The following CLMN variants were observed in gnomAD, a reference collection of about 807,000 sequenced individuals.
The protein encoded by CLMN is calmin, also known as calmin (calponin-like, transmembrane).
In CLMN, 57 loss-of-function variants were observed where a neutral mutation model predicts 92.7. The observed-to-expected ratio is 0.61, with a 90% CI of 0.50 to 0.77. CLMN has a LOEUF of 0.77. CLMN is among the 30% of genes least tolerant of loss of function. The pLI, the probability that CLMN is intolerant of heterozygous loss-of-function variation, is 0.00. For missense variants in CLMN, 1,158 were observed against 1,237.5 expected (o/e 0.94, Z 0.96); for synonymous variants, 466 against 470.6 (o/e 0.99, Z 0.13).
chr14:95,245,462 TGATGGATGGACGGATGGATGGATG>T (rs1898510408), intron 1 of CLMN, among the ~76,000 whole-genome samples: 1 of 149,156 alleles, frequency 6.7e-6, no homozygotes, highest in Admixed American at 6.8e-5. Context: ...TACAGATGCG[TGATGGATGGACGGATGGATGGATG>T]GATGGATGGA....
chr14:95,214,193 A>G (rs1055868828), intron 5 of CLMN, among the ~76,000 whole-genome samples: 1 of 152,110 alleles, frequency 6.6e-6, no homozygotes, highest in Non-Finnish European at 1.5e-5. Context: ...CTCAATAGAC[A>G]TTTGTTAAAT....
chr14:95,304,963 T>C (rs1300343890), intron 1 of CLMN, among the ~76,000 whole-genome samples: 2 of 152,192 alleles, frequency 1.3e-5, no homozygotes, highest in Admixed American at 6.5e-5. Flanking sequence ...AGGACACCCA[T>C]GTACTCGGAA....
chr14:95,254,625 C>G lies in CLMN; in HGVS notation c.83-24492G>C, dbSNP rs146688415. ...TTATGGGCTGAACGGTGTTCTCCCC[C>G]ACCCTCCCACAATCCAGATGTTCAA... On this transcript the variant is annotated intron_variant, in intron 1 of 12. Coordinates refer to ENST00000298912, the MANE Select transcript of CLMN (RefSeq NM_024734.4). 2.5e-4 allele frequency among the ~76,000 whole-genome samples: 38 copies of G among 152,302 alleles called. No individual in the cohort carries two copies. In the East Asian group the frequency reaches 7.0e-3, roughly 28 times the overall value.
chr14:95,270,939 T>C (rs1379127694), intron 1 of CLMN, among the ~76,000 whole-genome samples: 2 of 152,218 alleles, frequency 1.3e-5, no homozygotes, highest in Non-Finnish European at 2.9e-5. Flanking sequence ...AGCAGTGCAT[T>C]GGGGTTCTAA....
At chr14:95,241,927 A>G (rs569301878) in intron 1 of CLMN, among the ~76,000 whole-genome samples, 1 of 152,320 alleles carries the variant, frequency 6.6e-6, no homozygotes, top group East Asian at 1.9e-4. Context: ...TGGTCACCAG[A>G]GTACCCGAAG....
intron 1 of CLMN, among the ~76,000 whole-genome samples, chr14:95,273,970 C>G (rs1899818520): frequency 6.6e-6 from 1 of 152,228 alleles, no homozygotes; most frequent in Non-Finnish European, 1.5e-5. Context: ...TCACGCTCAA[C>G]TCAGCTGTCT....
At chr14:95,297,845 AC>A in intron 1 of CLMN, among the ~76,000 whole-genome samples, 2 of 139,348 alleles carry the variant, frequency 1.4e-5, no homozygotes, top group Non-Finnish European at 3.2e-5. Context: ...ACACACACAC[AC>A]ACACAGAGTG....
Position 95,294,981 on chromosome 14 carries a change from G to A in CLMN, c.82+24730C>T, listed in dbSNP as rs1900746068. Reference sequence around the variant, plus strand: ...TCCTATAATTCAGCCCCCTCTTCTTGCCCATCAGGCCTGGCAATGGTAACA... The same window carrying A: ...TCCTATAATTCAGCCCCCTCTTCTTACCCATCAGGCCTGGCAATGGTAACA... On this transcript the variant is annotated intron_variant, in intron 1 of 12. Coordinates refer to ENST00000298912, the MANE Select transcript of CLMN (RefSeq NM_024734.4). The surrounding 1 kb of genome is among the most constrained non-coding windows in gnomAD (Gnocchi z 4.2). Among the ~76,000 whole-genome samples the A allele has an allele frequency of 6.6e-6, 1 of 152,202 alleles. No individual in the cohort carries two copies.
At chr14:95,265,336 A>T (rs558871972) in intron 1 of CLMN, among the ~76,000 whole-genome samples, 1 of 152,294 alleles carries the variant, frequency 6.6e-6, no homozygotes, top group Admixed American at 6.5e-5. Flanking sequence ...CCTTAACACA[A>T]AGCGTGACCT....
intron 10 of CLMN, 77 bp downstream of exon 10, chr14:95,196,421 C>A: frequency 7.2e-7 from 1 of 1,394,818 alleles, no homozygotes; most frequent in Non-Finnish European, 9.8e-7. Flanking sequence ...ACCTCCCACC[C>A]CATCAAATCA....
At chr14:95,243,007 G>A (rs1304441216) in intron 1 of CLMN, among the ~76,000 whole-genome samples, 3 of 152,170 alleles carry the variant, frequency 2.0e-5, no homozygotes, top group East Asian at 1.9e-4. Context: ...AGGCCCTATG[G>A]TCTTTGTCAT....
At chr14:95,273,923 C>A (rs747947843) in intron 1 of CLMN, among the ~76,000 whole-genome samples, 1 of 152,160 alleles carries the variant, frequency 6.6e-6, no homozygotes, top group Non-Finnish European at 1.5e-5. Context: ...CTCCTCCCAG[C>A]CAGTCCAGCC....
intron 1 of CLMN, among the ~76,000 whole-genome samples, chr14:95,235,515 C>G (rs931119194): frequency 6.6e-6 from 1 of 152,164 alleles, no homozygotes; most frequent in Non-Finnish European, 1.5e-5. Flanking sequence ...CCAGGCTTAA[C>G]AGTCACTTGA....
At chr14:95,201,668 A>G (rs550910394) in intron 9 of CLMN, among the ~76,000 whole-genome samples, 131 of 150,132 alleles carry the variant, frequency 8.7e-4, no homozygotes, top group African/African-American at 2.9e-3. Flanking sequence ...TGCTGCACCT[A>G]TCAACCCATC....
chr14:95,209,260 C>T (rs1897128329), intron 8 of CLMN, 135 bp downstream of exon 8: 1 of 755,168 alleles, frequency 1.3e-6, no homozygotes, highest in Admixed American at 1.8e-5. Context: ...AGGCCGTGCT[C>T]AAGGGACTTG....
At chr14:95,255,628 T>C (rs991602800) in intron 1 of CLMN, among the ~76,000 whole-genome samples, 6 of 152,148 alleles carry the variant, frequency 3.9e-5, no homozygotes, top group African/African-American at 1.4e-4. Flanking sequence ...AGCAAATGAA[T>C]ACACAGCTTT....
rs1340518126 is a variant in CLMN at position 95,259,333 on chromosome 14, G to A, written c.83-29200C>T. ...GATGCGACAGAGCTGACAGCAGGCT[G>A]GACCCTGGCCGTCCACTGGCTCCCC... On this transcript the variant is annotated intron_variant, in intron 1 of 12. Transcript: ENST00000298912. The surrounding 1 kb of genome is among the most constrained non-coding windows in gnomAD (Gnocchi z 4.3). Among the ~76,000 whole-genome samples the A allele has an allele frequency of 6.6e-6, 1 of 152,074 alleles. No individual in the cohort carries two copies. Among genetic ancestry groups the A allele is most frequent in the African/African-American group, 2.4e-5 (1 of 41,372 alleles).
chr14:95,305,561 AG>A (rs2140787033), intron 1 of CLMN, among the ~76,000 whole-genome samples: 1 of 152,374 alleles, frequency 6.6e-6, no homozygotes, highest in African/African-American at 2.4e-5. Context: ...AGAGAATTGG[AG>A]GATCAGCCCA....
At chr14:95,254,807 G>T (rs771019096) in intron 1 of CLMN, among the ~76,000 whole-genome samples, 1 of 152,106 alleles carries the variant, frequency 6.6e-6, no homozygotes, top group South Asian at 2.1e-4. Flanking sequence ...TAAGTGATCC[G>T]CTGGACTCAG....
Sources: allele counts gnomAD v4.1 joint callset (sites outside exome capture counted in the v4.1 genomes callset), GRCh38; gene constraint gnomAD v4.1.1; non-coding constraint Gnocchi (gnomAD v3.1); transcripts MANE v1.5; gene names NCBI Gene and HGNC (gene_info 2026-07-23, HGNC 2026-07-21).